Variants in DGLUCY observed in about 807,000 individuals in gnomAD.
The protein encoded by DGLUCY is D-glutamate cyclase, also known as D-glutamate cyclase, mitochondrial.
DGLUCY carries 58 observed loss-of-function variants against 58.5 expected under a neutral mutation model. The observed-to-expected ratio is 0.99, with a 90% CI of 0.80 to 1.23. The LOEUF (loss-of-function observed/expected upper bound fraction) is 1.23, where lower values mean the gene tolerates loss of function less well. Ranked by LOEUF, DGLUCY falls within the 50% of genes most tolerant of loss-of-function variation. The pLI is 0.00. For synonymous variants in DGLUCY, 325 were observed against 314.1 expected, an observed-to-expected ratio of 1.03 and a Z score of -0.37; for missense variants, 779 against 784.7, an observed-to-expected ratio of 0.99 and a Z score of 0.09.
intron 1 of DGLUCY, among the ~76,000 whole-genome samples, chr14:91,123,531 C>T (rs1227227949): frequency 1.3e-5 from 2 of 152,076 alleles, no homozygotes; most frequent in Admixed American, 1.3e-4. Context: ...GTTAAACTCT[C>T]ACTCATGGAG....
chr14:91,115,996 C>G (rs1595667551), intron 1 of DGLUCY, among the ~76,000 whole-genome samples: 1 of 152,246 alleles, frequency 6.6e-6, no homozygotes, highest in Non-Finnish European at 1.5e-5. Flanking sequence ...GATTGCTGCT[C>G]CTTCTGGTTT....
chr14:91,169,305 A>G (rs112217762), intron 4 of DGLUCY, among the ~76,000 whole-genome samples: 6,218 of 152,060 alleles, frequency 0.041, 176 homozygotes, highest in Middle Eastern at 0.082. Flanking sequence ...CTCACCCACT[A>G]CTGGCACTGA....
chr14:91,140,899 A>G (rs895809072), intron 1 of DGLUCY, among the ~76,000 whole-genome samples: 1 of 152,058 alleles, frequency 6.6e-6, no homozygotes, highest in Non-Finnish European at 1.5e-5. Context: ...TGGCTGGTCT[A>G]TTGTTGAGGA....
At chr14:91,137,893 C>A (rs1303365428) in intron 1 of DGLUCY, among the ~76,000 whole-genome samples, 1 of 152,070 alleles carries the variant, frequency 6.6e-6, no homozygotes, top group Non-Finnish European at 1.5e-5. Context: ...AGGTCAGTAA[C>A]ATCTTGCTTC....
rs375209032 is a variant in DGLUCY, at chr14:91,066,808, C to T, written c.-82+6104C>T. On this transcript the variant is annotated intron_variant, in intron 1 of 4. Coordinates refer to the DGLUCY transcript ENST00000521334. ...TAGAAAGAGTTATTTCGGCCGGGCG[C>T]GGTGGCTCACGCCTGTAATCCCAGC... is the stretch of plus-strand genomic sequence containing the variant. Among the ~76,000 whole-genome samples the T allele has an allele frequency of 2.0e-4, 31 of 151,772 alleles. 2 individuals carry two copies. The highest frequency in any genetic ancestry group is 1.5e-3 in the East Asian group (8 of 5,182).
At chr14:91,173,041 C>G (rs1461780634) in intron 5 of DGLUCY, among the ~76,000 whole-genome samples, 1 of 152,110 alleles carries the variant, frequency 6.6e-6, no homozygotes. Flanking sequence ...ATTACTTTGA[C>G]CAGGGGTCCA....
At chr14:91,167,665 G>A in intron 4 of DGLUCY, 2 of 703,572 alleles carry the variant, frequency 2.8e-6, no homozygotes, top group Non-Finnish European at 5.2e-6. Flanking sequence ...CATCGCCCAA[G>A]CCAGAAACCC....
chr14:91,147,458 C>T (rs2047071820), intron 1 of DGLUCY, among the ~76,000 whole-genome samples: 1 of 152,136 alleles, frequency 6.6e-6, no homozygotes, highest in South Asian at 2.1e-4. Context: ...TTTTTGGATG[C>T]AGCTTGAATG....
chr14:91,194,969 T>C (rs932515986), intron 9 of DGLUCY, among the ~76,000 whole-genome samples: 26 of 152,096 alleles, frequency 1.7e-4, no homozygotes, highest in African/African-American at 6.3e-4. Context: ...TAGCTGAGGG[T>C]GGGAGCCGCT....
chr14:91,204,942 C>T, intron 12 of DGLUCY, 117 bp downstream of exon 12: 2 of 1,394,894 alleles, frequency 1.4e-6, no homozygotes, highest in South Asian at 1.3e-5. Context: ...GGCACCAGGG[C>T]AGGGAGGGGA....
intron 1 of DGLUCY, among the ~76,000 whole-genome samples, chr14:91,089,978 T>C (rs934509745): frequency 1.3e-5 from 2 of 152,178 alleles, no homozygotes; most frequent in East Asian, 3.8e-4. Flanking sequence ...AAAACCTCTA[T>C]GCACCCTACA....
intron 13 of DGLUCY, among the ~76,000 whole-genome samples, chr14:91,220,947 A>G (rs1285860): frequency 0.88 from 134,366 of 152,286 alleles, 60,345 homozygotes; most frequent in Non-Finnish European, 0.96. Context: ...CGTGGGGCTC[A>G]TGGTATAAAC....
chr14:91,173,001 C>G (rs2048654876), intron 5 of DGLUCY, among the ~76,000 whole-genome samples: 1 of 152,064 alleles, frequency 6.6e-6, no homozygotes, highest in African/African-American at 2.4e-5. Context: ...CTTTGGAATC[C>G]TGTGCATTTT....
chr14:91,143,331 G>A (rs770320581), intron 1 of DGLUCY, among the ~76,000 whole-genome samples: 1 of 152,004 alleles, frequency 6.6e-6, no homozygotes, highest in South Asian at 2.1e-4. Flanking sequence ...TCCTGACCTC[G>A]TGATCTGCCC....
At chr14:91,118,088 C>CCCTT (rs1491351174) in intron 1 of DGLUCY, among the ~76,000 whole-genome samples, 1 of 60,518 alleles carries the variant, frequency 1.7e-5, no homozygotes, top group African/African-American at 7.2e-5. Flanking sequence ...CCCCCCCCCC[C>CCCTT]TTTTTTTTTT....
chr14:91,098,610 C>T (rs964892591), intron 1 of DGLUCY, among the ~76,000 whole-genome samples: 1 of 152,176 alleles, frequency 6.6e-6, no homozygotes, highest in African/African-American at 2.4e-5. Context: ...ATTTAACACT[C>T]AGCTCCCACA....
intron 11 of DGLUCY, among the ~76,000 whole-genome samples, chr14:91,203,946 G>A (rs1375413295): frequency 6.6e-6 from 1 of 152,118 alleles, no homozygotes; most frequent in Admixed American, 6.6e-5. Context: ...CAAAGTGCTG[G>A]GATTACAGGC....
chr14:91,167,521 C>A, intron 4 of DGLUCY, 143 bp downstream of exon 4: 1 of 1,087,052 alleles, frequency 9.2e-7, no homozygotes, highest in South Asian at 1.3e-5. Context: ...GACTGTTGCT[C>A]AGGAACGAGC....
intron 1 of DGLUCY, among the ~76,000 whole-genome samples, chr14:91,153,890 G>A (rs1437018241): frequency 6.6e-6 from 1 of 152,070 alleles, no homozygotes; most frequent in Non-Finnish European, 1.5e-5. Flanking sequence ...CGGGGTACAG[G>A]TTTTTATTAT....
Sources: allele counts gnomAD v4.1 joint callset (sites outside exome capture counted in the v4.1 genomes callset), GRCh38; gene constraint gnomAD v4.1.1; transcripts MANE v1.5; gene names NCBI Gene and HGNC (gene_info 2026-07-23, HGNC 2026-07-21).